PDE1C: variants seen among roughly 807,000 people sequenced by gnomAD.
The protein encoded by PDE1C is phosphodiesterase 1C, also known as dual specificity calcium/calmodulin-dependent 3',5'-cyclic nucleotide phosphodiesterase 1C.
Under a neutral mutation model 93.1 loss-of-function variants are expected in PDE1C, and 62 were observed. The observed-to-expected ratio is 0.67, with a 90% CI of 0.54 to 0.82. The LOEUF (loss-of-function observed/expected upper bound fraction) is 0.82, where lower values mean the gene tolerates loss of function less well. PDE1C is among the 40% of genes least tolerant of loss of function. The pLI is 0.00. For synonymous variants in PDE1C, 325 were observed against 310.1 expected (o/e 1.05, Z -0.50); for missense variants, 742 against 884.6 (o/e 0.84, Z 2.04).
At chr7:31,776,278 C>G (rs747721749) in intron 16 of PDE1C, among the ~76,000 whole-genome samples, 4 of 152,104 alleles carry the variant, frequency 2.6e-5, no homozygotes, top group Non-Finnish European at 5.9e-5. Context: ...TGCAAAATGA[C>G]GAGAATGACA....
intron 5 of PDE1C, 35 bp from the exon 6 acceptor site, chr7:31,873,443 C>A: frequency 7.6e-7 from 1 of 1,310,866 alleles, no homozygotes. Flanking sequence ...AACACATTAG[C>A]CCACAGACAC....
chr7:31,864,370 T>C (rs909818696), intron 7 of PDE1C, among the ~76,000 whole-genome samples: 1 of 152,078 alleles, frequency 6.6e-6, no homozygotes, highest in Non-Finnish European at 1.5e-5. Flanking sequence ...AAAAAAAATT[T>C]TTAAAGCAAA....
intron 2 of PDE1C, among the ~76,000 whole-genome samples, chr7:31,906,196 C>T (rs1800567845): frequency 6.6e-6 from 1 of 152,190 alleles, no homozygotes; most frequent in Non-Finnish European, 1.5e-5. Flanking sequence ...TTATGTTAAA[C>T]ATTCTCAAGT....
chr7:31,804,417 A>C (rs771872997), intron 16 of PDE1C, among the ~76,000 whole-genome samples: 1 of 151,800 alleles, frequency 6.6e-6, no homozygotes, highest in Non-Finnish European at 1.5e-5. Flanking sequence ...TTCTGGCCTC[A>C]GGTAGTTTCC....
At chr7:31,621,372 C>CG in the PDE1C span, among the ~76,000 whole-genome samples, 2 of 28,718 alleles carry the variant, frequency 7.0e-5, no homozygotes, top group African/African-American at 3.4e-4. Context: ...GTCGGGTTAC[C>CG]TCAAAGGGAA....
At chr7:31,706,282 G>A in the PDE1C span, among the ~76,000 whole-genome samples, 1 of 151,878 alleles carries the variant, frequency 6.6e-6, no homozygotes, top group Non-Finnish European at 1.5e-5. Flanking sequence ...TGGGATTATA[G>A]GCATGAGCCA....
intron 9 of PDE1C, among the ~76,000 whole-genome samples, chr7:31,840,969 A>G (rs1345513905): frequency 6.6e-6 from 1 of 152,136 alleles, no homozygotes; most frequent in East Asian, 1.9e-4. Flanking sequence ...GTATTGAAAC[A>G]ATAAATAAAT....
intron 3 of PDE1C, among the ~76,000 whole-genome samples, chr7:32,132,456 T>C (rs1799971680): frequency 6.6e-6 from 1 of 151,634 alleles, no homozygotes; most frequent in Non-Finnish European, 1.5e-5. Flanking sequence ...GCTAAGGAGT[T>C]CAAAATCACC....
At chr7:32,120,531 C>A (rs571247342) in intron 3 of PDE1C, among the ~76,000 whole-genome samples, 6 of 152,150 alleles carry the variant, frequency 3.9e-5, no homozygotes, top group Non-Finnish European at 7.3e-5. Context: ...GGAGCAGGCA[C>A]CAGTCTTTGT....
At chr7:32,348,069 G>A (rs1452712956) in intron 1 of PDE1C, among the ~76,000 whole-genome samples, 1 of 152,166 alleles carries the variant, frequency 6.6e-6, no homozygotes, top group Non-Finnish European at 1.5e-5. Context: ...CTATGATCAT[G>A]AGAGTAGACT....
intron 17 of PDE1C, among the ~76,000 whole-genome samples, chr7:31,761,284 T>A (rs531097191): frequency 1.3e-5 from 2 of 152,316 alleles, no homozygotes; most frequent in East Asian, 3.9e-4. Context: ...CAAAATTGTA[T>A]CTCATTTATA....
At chr7:31,897,679 G>A (rs538658528) in intron 2 of PDE1C, among the ~76,000 whole-genome samples, 27 of 152,202 alleles carry the variant, frequency 1.8e-4, no homozygotes, top group Middle Eastern at 3.4e-3. Flanking sequence ...ACCAGTTAAC[G>A]TCATGTCAAG....
intron 2 of PDE1C, among the ~76,000 whole-genome samples, chr7:31,900,754 C>A (rs1209011534): frequency 1.3e-5 from 2 of 151,746 alleles, no homozygotes; most frequent in African/African-American, 4.8e-5. Flanking sequence ...CTAGAATTTT[C>A]TGTTTCAGAG....
At chr7:32,384,680 G>A (rs1407236278) in intron 1 of PDE1C, among the ~76,000 whole-genome samples, 1 of 152,090 alleles carries the variant, frequency 6.6e-6, no homozygotes, top group Non-Finnish European at 1.5e-5. Flanking sequence ...ACTTTAAGGA[G>A]GGTAAATTTT....
the PDE1C span, among the ~76,000 whole-genome samples, chr7:31,713,750 T>C: frequency 6.6e-6 from 1 of 152,184 alleles, no homozygotes; most frequent in African/African-American, 2.4e-5. Context: ...CTCAACACCA[T>C]GTGGAAGCTG....
intron 3 of PDE1C, among the ~76,000 whole-genome samples, chr7:32,124,587 A>G (rs1276149627): frequency 6.6e-6 from 1 of 152,208 alleles, no homozygotes; most frequent in Non-Finnish European, 1.5e-5. Flanking sequence ...AACCTGACAA[A>G]AACAAGCAAT....
intron 9 of PDE1C, among the ~76,000 whole-genome samples, chr7:31,844,578 C>A (rs890593204): frequency 5.3e-5 from 8 of 151,806 alleles, no homozygotes; most frequent in African/African-American, 1.7e-4. Context: ...TTTATCTTTG[C>A]CTCTCAGCAG....
intron 1 of PDE1C, among the ~76,000 whole-genome samples, chr7:32,344,868 A>G (rs1454646133): frequency 6.6e-6 from 1 of 152,180 alleles, no homozygotes; most frequent in Non-Finnish European, 1.5e-5. Context: ...ATAGGGGCTC[A>G]ATAAATATTT....
chr7:32,196,481 A>G (rs1272141113), intron 2 of PDE1C, among the ~76,000 whole-genome samples: 1 of 151,814 alleles, frequency 6.6e-6, no homozygotes, highest in Non-Finnish European at 1.5e-5. Context: ...ACTCATCACC[A>G]TGTTGTTTCT....
Sources: gnomAD v4.1 joint callset for allele counts (sites outside exome capture counted in the v4.1 genomes callset) on GRCh38, gnomAD v4.1.1 for gene constraint, MANE v1.5 for transcripts, NCBI Gene and HGNC (gene_info 2026-07-23, HGNC 2026-07-21) for gene names.